The following GNG2 variants were observed in gnomAD, a reference collection of about 807,000 sequenced individuals.
The protein encoded by GNG2 is G protein subunit gamma 2.
GNG2 carries 5 observed loss-of-function variants against 5.5 expected under a neutral mutation model. The ratio of observed to expected loss-of-function variants is 0.91; its 90% CI spans 0.48 to 1.92. GNG2 has a LOEUF of 1.92. Among genes scored for constraint, GNG2 ranks in the 30% most tolerant of loss-of-function variants. GNG2 has a pLI of 0.01. For synonymous variants in GNG2, 28 were observed against 32.0 expected, an observed-to-expected ratio of 0.88 and a Z score of 0.42; for missense variants, 55 against 88.4, an observed-to-expected ratio of 0.62 and a Z score of 1.52.
At chr14:51,885,222 C>T (rs1029457736) in intron 2 of GNG2, among the ~76,000 whole-genome samples, 2 of 152,118 alleles carry the variant, frequency 1.3e-5, no homozygotes, top group Non-Finnish European at 1.5e-5. Context: ...ATAATATTCA[C>T]CCTGACTATA....
intron 2 of GNG2, among the ~76,000 whole-genome samples, chr14:51,890,019 A>T (rs1024347007): frequency 3.3e-5 from 5 of 152,252 alleles, no homozygotes; most frequent in Non-Finnish European, 5.9e-5. Flanking sequence ...TGAGTAAAAT[A>T]GAAGTCCAAG....
chr14:51,908,571 T>TAG (rs1348026476), intron 2 of GNG2, among the ~76,000 whole-genome samples: 55 of 149,748 alleles, frequency 3.7e-4, no homozygotes, highest in East Asian at 3.9e-4. Context: ...TCCATATATA[T>TAG]AGAGAGAGAG....
At chr14:51,919,099 A>G (rs1472677223) in intron 2 of GNG2, among the ~76,000 whole-genome samples, 1 of 152,212 alleles carries the variant, frequency 6.6e-6, no homozygotes, top group East Asian at 1.9e-4. Context: ...TGCTGGCATT[A>G]CAGGCATGAG....
chr14:51,937,795 G>A (rs1888100363), intron 2 of GNG2, among the ~76,000 whole-genome samples: 1 of 152,108 alleles, frequency 6.6e-6, no homozygotes, highest in Non-Finnish European at 1.5e-5. Flanking sequence ...AGTGAATTGG[G>A]AAACAAGTGT....
intron 2 of GNG2, among the ~76,000 whole-genome samples, chr14:51,851,385 C>A (rs1881901915): frequency 6.6e-6 from 1 of 152,212 alleles, no homozygotes; most frequent in Non-Finnish European, 1.5e-5. Flanking sequence ...CCCAATGGTA[C>A]TGGAGCAGCA....
chr14:51,883,855 T>G (rs1884263716), intron 2 of GNG2, among the ~76,000 whole-genome samples: 1 of 152,182 alleles, frequency 6.6e-6, no homozygotes, highest in Non-Finnish European at 1.5e-5. Context: ...TACTGTGTAC[T>G]ATAACTGGTA....
chr14:51,842,956 C>T lies in GNG2; in HGVS notation c.64+15149C>T, dbSNP rs148651694. Among the ~76,000 whole-genome samples, 526 of 152,296 alleles carry T rather than the reference C, an allele frequency of 3.5e-3. 5 individuals are homozygous for T. Among genetic ancestry groups the T allele is most frequent in the African/African-American group, 0.012 (497 of 41,576 alleles). ...CTGGGATTACAGGCGTGAGCCACCA[C>T]GCCTGGCCTATTTGCCAGAATTGAA... On this transcript the variant is annotated intron_variant, in intron 2 of 3. Transcript: ENST00000553432.
intron 1 of GNG2, chr14:51,827,621 G>T: frequency 1.5e-6 from 1 of 682,938 alleles, no homozygotes; most frequent in South Asian, 1.6e-5. Flanking sequence ...TTAAAGCTGT[G>T]ATTAGTGTGT....
intron 3 of GNG2, among the ~76,000 whole-genome samples, chr14:51,960,579 G>A (rs1159938312): frequency 6.6e-6 from 1 of 151,792 alleles, no homozygotes; most frequent in East Asian, 1.9e-4. Context: ...TTGATCATGT[G>A]GACGATATTA....
At chr14:51,900,479 T>A (rs1297254197) in intron 2 of GNG2, among the ~76,000 whole-genome samples, 1 of 151,360 alleles carries the variant, frequency 6.6e-6, no homozygotes, top group African/African-American at 2.4e-5. Context: ...CTGGTTAATG[T>A]CCCACAGGGC....
chr14:51,834,371 C>T (rs560522977), intron 2 of GNG2, among the ~76,000 whole-genome samples: 17 of 152,320 alleles, frequency 1.1e-4, no homozygotes, highest in African/African-American at 4.1e-4. Flanking sequence ...CTGGCTTCTG[C>T]CTGCCACGGA....
intron 2 of GNG2, among the ~76,000 whole-genome samples, chr14:51,841,033 C>A (rs912286128): frequency 1.3e-5 from 2 of 152,084 alleles, no homozygotes; most frequent in Admixed American, 6.5e-5. Context: ...GGAGTGACCA[C>A]AAATGCATAA....
chr14:51,913,266 T>G lies in GNG2; in HGVS notation c.-30+35609T>G, dbSNP rs1886398511. On this transcript the variant is annotated intron_variant, in intron 2 of 3. Transcript: ENST00000556766. Reference sequence around the variant, plus strand: ...GCTCATGCCTGTAATACCAACACTTTGGGAAACTGAGGCAGTAAGCTCCCT... The same window carrying G: ...GCTCATGCCTGTAATACCAACACTTGGGGAAACTGAGGCAGTAAGCTCCCT... 3 of 152,206 alleles carry G rather than the reference T, an allele frequency of 2.0e-5. No homozygotes were observed. The South Asian group carries it at 6.2e-4, about 31-fold the overall frequency. The allele number at this position is 152,206 out of a possible 1,614,324, so 9.4% of individuals were successfully genotyped here. A position where few individuals can be genotyped will look rare whatever the true frequency, so the allele number is the denominator to read the frequency against.
intron 2 of GNG2, among the ~76,000 whole-genome samples, chr14:51,947,635 T>C (rs1888716083): frequency 2.0e-5 from 3 of 152,180 alleles, no homozygotes; most frequent in South Asian, 4.1e-4. Flanking sequence ...TGAGACCCAT[T>C]TGAGACTAAT....
At chr14:51,925,859 T>TA (rs1182734123) in intron 2 of GNG2, among the ~76,000 whole-genome samples, 2 of 151,696 alleles carry the variant, frequency 1.3e-5, no homozygotes, top group African/African-American at 4.8e-5. Context: ...TGGCCTCAAG[T>TA]GATTCACCAA....
rs960117391 is a variant in GNG2 at position 51,884,619 on chromosome 14, T to C, written c.-30+6962T>C. 1.6e-4 allele frequency among the ~76,000 whole-genome samples: 25 copies of C among 152,174 alleles called. 1 individual carries two copies. Among genetic ancestry groups the C allele is most frequent in the Admixed American group, 1.4e-3 (22 of 15,286 alleles). ...CCTCTGTGGCTCCTGCAGTAAAGGC[T>C]ATGAAGTGAAGGAGACGGGTGCAGA... On this transcript the variant is annotated intron_variant, in intron 2 of 3. Coordinates refer to ENST00000556766, the MANE Select transcript of GNG2 (RefSeq NM_053064.5).
At chr14:51,922,149 C>T (rs1471323570) in intron 2 of GNG2, among the ~76,000 whole-genome samples, 2 of 152,080 alleles carry the variant, frequency 1.3e-5, no homozygotes, top group Admixed American at 6.5e-5. Flanking sequence ...AAAACTCTGA[C>T]AATTCAGACT....
Position 51,865,411 on chromosome 14 carries a change from G to T in GNG2, c.-71+4621G>T, listed in dbSNP as rs187292880. ...TATACATGTATCAAAACATCACATT[G>T]TACCCCATAAATATACACAATTTTT... On this transcript the variant is annotated intron_variant, in intron 1 of 3. Coordinates refer to ENST00000556766, the MANE Select transcript of GNG2 (RefSeq NM_053064.5). 2.7e-3 allele frequency among the ~76,000 whole-genome samples: 416 copies of T among 151,946 alleles called. 2 individuals are homozygous for T. Among genetic ancestry groups the T allele is most frequent in the African/African-American group, 9.7e-3 (402 of 41,426 alleles).
chr14:51,859,937 G>A (rs1236589681), upstream of GNG2, among the ~76,000 whole-genome samples: 2 of 152,208 alleles, frequency 1.3e-5, no homozygotes, highest in Non-Finnish European at 2.9e-5. Flanking sequence ...CCTATAGGTA[G>A]CATTGCCAAC....
Sources: gnomAD v4.1 joint callset for allele counts (sites outside exome capture counted in the v4.1 genomes callset) on GRCh38, gnomAD v4.1.1 for gene constraint, MANE v1.5 for transcripts, NCBI Gene and HGNC (gene_info 2026-07-23, HGNC 2026-07-21) for gene names.